NAT10: variants seen among roughly 807,000 people sequenced by gnomAD.
NAT10 encodes RNA cytidine acetyltransferase.
A neutral mutation model predicts 132.2 loss-of-function variants in NAT10; 109 were observed. The observed-to-expected ratio is 0.82, with a 90% CI of 0.71 to 0.97. The LOEUF (loss-of-function observed/expected upper bound fraction) is 0.97, where lower values mean the gene tolerates loss of function less well. Among genes scored for constraint, NAT10 ranks in the 50% least tolerant of loss-of-function variants. NAT10 has a pLI of 0.00. For missense variants in NAT10, 1,184 were observed against 1,263.4 expected (o/e 0.94, Z 0.95); for synonymous variants, 479 against 478.0 (o/e 1.00, Z -0.03).
At position 34,127,619 on chromosome 11, in the gene NAT10, A is replaced by T. The variant is rs76493111; in HGVS notation, c.1244+20A>T. 3.9e-3 allele frequency: 6,276 copies of T among 1,594,192 alleles called. 179 individuals are homozygous for T. The African/African-American group carries it at 0.073, about 19-fold the overall frequency. ...CAATGGGTAAGGTACTGTGGGCAGGAGTCCTTACTCCCGTGGCAGGCTCTT... is the reference window on the plus strand; with the variant it reads ...CAATGGGTAAGGTACTGTGGGCAGGTGTCCTTACTCCCGTGGCAGGCTCTT... On this transcript the variant is annotated intron_variant, in intron 12 of 28. Transcript: ENST00000257829.
intron 9 of NAT10, 48 bp from the exon 10 acceptor site, chr11:34,123,714 A>C: frequency 7.4e-7 from 1 of 1,352,980 alleles, no homozygotes; most frequent in Non-Finnish European, 1.0e-6. Flanking sequence ...TTGTTTCTTT[A>C]AGATGTTCCT....
At chr11:34,109,177 G>A (rs1264543620) in intron 3 of NAT10, among the ~76,000 whole-genome samples, 6 of 151,538 alleles carry the variant, frequency 4.0e-5, no homozygotes, top group Non-Finnish European at 8.8e-5. Context: ...TTCTTTCATG[G>A]AGGGGGTATA....
intron 26 of NAT10, 44 bp from the exon 27 acceptor site, chr11:34,142,226 GTTCAA>G: frequency 2.5e-6 from 4 of 1,572,996 alleles, no homozygotes; most frequent in Non-Finnish European, 3.5e-6. Flanking sequence ...CCTGTGTTTG[GTTCAA>G]TCCTTGACTC....
intron 5 of NAT10, among the ~76,000 whole-genome samples, chr11:34,114,969 A>G (rs907041694): frequency 7.2e-5 from 11 of 152,132 alleles, no homozygotes; most frequent in Non-Finnish European, 1.3e-4. Context: ...CCTGGCCAAC[A>G]TGGTGAAACC....
At chr11:34,107,967 A>C (rs1851624427) in intron 1 of NAT10, among the ~76,000 whole-genome samples, 1 of 152,266 alleles carries the variant, frequency 6.6e-6, no homozygotes, top group African/African-American at 2.4e-5. Context: ...GGCTTTTAAA[A>C]AATATTTAAT....
chr11:34,134,507 C>T lies in NAT10; in HGVS notation c.1837-5C>T. ...CTAAGTTACTGGTTTGTGTCTCCCA[C>T]ACAGTTCCAAGATCCAGACTTTGGT... On this transcript the variant is annotated splice_polypyrimidine_tract_variant and splice_region_variant and intron_variant, in intron 17 of 28. Coordinates refer to ENST00000257829, the MANE Select transcript of NAT10 (RefSeq NM_024662.3). 1.2e-6 allele frequency: 2 copies of T among 1,614,200 alleles called. No homozygotes were observed. The highest frequency in any genetic ancestry group is 1.7e-6 in the Non-Finnish European group (2 of 1,180,032).
At chr11:34,113,949 C>T in intron 5 of NAT10, 111 bp downstream of exon 5, 3 of 1,324,670 alleles carry the variant, frequency 2.3e-6, no homozygotes, top group South Asian at 2.9e-5. Context: ...GTAGTCAGCA[C>T]AGCCTCTGGG....
At chr11:34,132,939 CA>C in intron 15 of NAT10, 86 bp from the exon 16 acceptor site, 1 of 1,009,222 alleles carries the variant, frequency 9.9e-7, no homozygotes, top group East Asian at 2.4e-5. Context: ...GGCCATACTG[CA>C]GTCATCCTGT....
chr11:34,107,031 CTTTTTTTTT>C (rs71037398), intron 1 of NAT10: 1 of 127,538 alleles, frequency 7.8e-6, no homozygotes, highest in Non-Finnish European at 1.6e-5. Context: ...AATCACAGAA[CTTTTTTTTT>C]TTTTTTTTTG....
chr11:34,119,915 C>G (rs1184157440), intron 8 of NAT10, among the ~76,000 whole-genome samples: 2 of 152,158 alleles, frequency 1.3e-5, no homozygotes, highest in African/African-American at 4.8e-5. Context: ...TGTGTGTATT[C>G]AAATGGGTGT....
chr11:34,131,840 C>T (rs1309102195), intron 14 of NAT10, among the ~76,000 whole-genome samples: 2 of 151,940 alleles, frequency 1.3e-5, no homozygotes, highest in Non-Finnish European at 2.9e-5. Flanking sequence ...TGCCAGCCAC[C>T]ACGTCTGGCT....
rs956261569 is a variant in NAT10 at position 34,122,380 on chromosome 11, C to T, written c.781-79C>T. On this transcript the variant is annotated intron_variant, in intron 8 of 28. Coordinates refer to ENST00000257829, the MANE Select transcript of NAT10 (RefSeq NM_024662.3). ...CTTATTTAGCCTGGCATCAACCTCA[C>T]TTCTCCACAGTGATGGTGATGAATG... 36 of 1,584,966 alleles carry T rather than the reference C, an allele frequency of 2.3e-5. No individual in the cohort carries two copies. In the Admixed American group the frequency reaches 4.6e-4, roughly 20 times the overall value.
intron 3 of NAT10, among the ~76,000 whole-genome samples, chr11:34,110,856 C>T (rs187217282): frequency 5.6e-4 from 85 of 152,086 alleles, no homozygotes; most frequent in Non-Finnish European, 7.4e-5. Context: ...GTGCAGAAAA[C>T]CCAAAGATGA....
intron 5 of NAT10, 23 bp downstream of exon 5, chr11:34,113,861 A>C: frequency 6.2e-7 from 1 of 1,609,222 alleles, no homozygotes; most frequent in Non-Finnish European, 8.5e-7. Flanking sequence ...TTTTTAACTT[A>C]ATTGTGAGGG....
rs747304286 is a variant in NAT10 at position 34,118,518 on chromosome 11, C to T, written c.780+15C>T. 9.4e-6 allele frequency: 15 copies of T among 1,598,322 alleles called. No individual in the cohort carries two copies. The highest frequency in any genetic ancestry group is 1.7e-5 in the Admixed American group (1 of 58,584). On this transcript the variant is annotated intron_variant, in intron 8 of 28. Transcript: ENST00000257829. The stretch of plus-strand genomic sequence containing the variant: ...CTCTAGACCAGGTGAGTGTGGTGCT[C>T]AGCACTTCCAACACAAAGGTAGTAA...
Position 34,130,940 on chromosome 11 carries a change from A to G in NAT10, c.1369+3A>G. The G allele has an allele frequency of 6.2e-7, 1 of 1,613,780 alleles. No individual in the cohort carries two copies. Among genetic ancestry groups the G allele is most frequent in the Non-Finnish European group, 8.5e-7 (1 of 1,179,796 alleles). ...GACGACAGCCAGATTGGCATCAGGTACCCCAGAACCTGACCCGGGTCCCGC... is the reference window on the plus strand; with the variant it reads ...GACGACAGCCAGATTGGCATCAGGTGCCCCAGAACCTGACCCGGGTCCCGC... On this transcript the variant is annotated splice_donor_region_variant and intron_variant, in intron 13 of 28. Transcript: ENST00000257829.
intron 23 of NAT10, 123 bp from the exon 24 acceptor site, chr11:34,140,277 T>C: frequency 1.1e-6 from 1 of 933,244 alleles, no homozygotes; most frequent in Non-Finnish European, 1.6e-6. Flanking sequence ...GCCAGGGCTG[T>C]GTGGTATGGC....
intron 14 of NAT10, among the ~76,000 whole-genome samples, 184 bp from the exon 15 acceptor site, chr11:34,131,941 C>T (rs1406398646): frequency 6.6e-6 from 1 of 152,146 alleles, no homozygotes; most frequent in Non-Finnish European, 1.5e-5. Flanking sequence ...GCCTCAGCCT[C>T]CCAAAGTGCT....
intron 3 of NAT10, among the ~76,000 whole-genome samples, chr11:34,110,356 C>T (rs1406764131): frequency 6.6e-6 from 1 of 151,720 alleles, no homozygotes; most frequent in African/African-American, 2.4e-5. Flanking sequence ...CCACTTCCAC[C>T]TCCCCGGTAT....
Sources: gnomAD v4.1 joint callset for allele counts (sites outside exome capture counted in the v4.1 genomes callset) on GRCh38, gnomAD v4.1.1 for gene constraint, MANE v1.5 for transcripts, NCBI Gene and HGNC (gene_info 2026-07-23, HGNC 2026-07-21) for gene names.